The following NCOA3 variants were observed in gnomAD, a reference collection of about 807,000 sequenced individuals.
NCOA3 encodes CBP-interacting protein.
A neutral mutation model predicts 158.8 loss-of-function variants in NCOA3; 51 were observed. The ratio of observed to expected loss-of-function variants is 0.32; its 90% CI spans 0.26 to 0.41. The LOEUF is 0.41. NCOA3 is among the 10% of genes least tolerant of loss of function. The pLI, the probability that NCOA3 is intolerant of heterozygous loss-of-function variation, is 1.00. For synonymous variants in NCOA3, 537 were observed against 592.4 expected (o/e 0.91, Z 1.36); for missense variants, 1,510 against 1,746.6 (o/e 0.86, Z 2.41).
At chr20:47,527,635 C>G (rs768144909) in intron 1 of NCOA3, among the ~76,000 whole-genome samples, 1 of 152,130 alleles carries the variant, frequency 6.6e-6, no homozygotes, top group Non-Finnish European at 1.5e-5. Flanking sequence ...GGACAAATAT[C>G]TAGGAGGTGG....
intron 1 of NCOA3, among the ~76,000 whole-genome samples, chr20:47,567,017 T>TATGC (rs1348870157): frequency 1.8e-5 from 1 of 56,824 alleles, no homozygotes; most frequent in Non-Finnish European, 3.4e-5. Context: ...TAGTACTATG[T>TATGC]ATGTATGTAT....
Position 47,511,550 on chromosome 20 carries a change from T to TATATATACAC in NCOA3, c.-99+9537_-99+9538insACACATATAT. ...ATATATATATATATATATATATATA[T>TATATATACAC]ATATATTTCTTTTTTTTTTTGAGAC... On this transcript the variant is annotated intron_variant, in intron 1 of 22. Transcript: ENST00000371998. Among the ~76,000 whole-genome samples, 269 of 52,270 alleles carry TATATATACAC rather than the reference T, an allele frequency of 5.1e-3. 16 individuals are homozygous for TATATATACAC. Among genetic ancestry groups the TATATATACAC allele is most frequent in the Middle Eastern group, 0.021 (2 of 96 alleles). The allele number at this position is 52,270 out of a possible 152,430, so 34.3% of individuals were successfully genotyped here.
At chr20:47,550,359 G>A (rs1278276992) in intron 1 of NCOA3, among the ~76,000 whole-genome samples, 2 of 148,816 alleles carry the variant, frequency 1.3e-5, no homozygotes, top group African/African-American at 5.0e-5. Flanking sequence ...CAGGAGAATT[G>A]CTTGAATCCG....
At chr20:47,603,027 G>A (rs990863385) in intron 2 of NCOA3, among the ~76,000 whole-genome samples, 14 of 152,178 alleles carry the variant, frequency 9.2e-5, no homozygotes, top group Non-Finnish European at 1.8e-4. Context: ...TTAGTCACTT[G>A]TAACCCAAAT....
chr20:47,613,038 A>C (rs1195265743), intron 2 of NCOA3, among the ~76,000 whole-genome samples: 1 of 152,238 alleles, frequency 6.6e-6, no homozygotes, highest in Non-Finnish European at 1.5e-5. Context: ...AATGTGCAAG[A>C]AGGAAGAGAG....
At position 47,647,060 on chromosome 20, in the gene NCOA3, T is replaced by C. The variant is rs753289551; in HGVS notation, c.3253-13T>C. 1.9e-6 allele frequency: 3 copies of C among 1,604,346 alleles called. No individual in the cohort carries two copies. The Admixed American group carries it at 5.1e-5, about 27-fold the overall frequency. ...AGATGTTCTTCACTGTTCTTTTATG[T>C]GTTGTGTTTAAGGGACAGGCATTAG... On this transcript the variant is annotated splice_polypyrimidine_tract_variant and intron_variant, in intron 17 of 22. Coordinates refer to ENST00000371998, the MANE Select transcript of NCOA3 (RefSeq NM_181659.3).
intron 1 of NCOA3, among the ~76,000 whole-genome samples, chr20:47,565,973 T>A (rs554450800): frequency 2.6e-5 from 4 of 152,332 alleles, no homozygotes; most frequent in African/African-American, 7.2e-5. Flanking sequence ...TCCCACCATT[T>A]AAAAATTTTT....
intron 1 of NCOA3, among the ~76,000 whole-genome samples, chr20:47,538,922 C>T (rs1004897295): frequency 2.0e-5 from 3 of 152,144 alleles, no homozygotes; most frequent in African/African-American, 7.2e-5. Flanking sequence ...CTCACTTTTC[C>T]CTGTTAAGTT....
intron 1 of NCOA3, among the ~76,000 whole-genome samples, chr20:47,531,574 A>T (rs1325256370): frequency 7.2e-5 from 11 of 152,190 alleles, no homozygotes; most frequent in Non-Finnish European, 1.5e-4. Flanking sequence ...TTTGAGCAAG[A>T]ATAATGTTGT....
intron 1 of NCOA3, among the ~76,000 whole-genome samples, chr20:47,551,896 A>T (rs903104191): frequency 1.3e-5 from 2 of 152,230 alleles, no homozygotes; most frequent in African/African-American, 4.8e-5. Context: ...ACATTTTTTA[A>T]AAGTAAATTG....
At chr20:47,534,106 G>T (rs1170421932) in intron 1 of NCOA3, among the ~76,000 whole-genome samples, 5 of 149,640 alleles carry the variant, frequency 3.3e-5, no homozygotes, top group East Asian at 3.9e-4. Context: ...GATGGTTTCA[G>T]TGGGGGGGGC....
At chr20:47,530,937 G>A (rs1229329451) in intron 1 of NCOA3, among the ~76,000 whole-genome samples, 1 of 152,254 alleles carries the variant, frequency 6.6e-6, no homozygotes, top group Non-Finnish European at 1.5e-5. Context: ...GTAAACTGGC[G>A]TAGCAGTAGG....
intron 17 of NCOA3, 141 bp from the exon 18 acceptor site, chr20:47,646,932 A>G: frequency 1.5e-6 from 1 of 684,864 alleles, no homozygotes; most frequent in Non-Finnish European, 2.5e-6. Flanking sequence ...TAGCATGTAG[A>G]GAAGTGATGC....
At chr20:47,621,453 C>T (rs1197840339) in intron 2 of NCOA3, among the ~76,000 whole-genome samples, 1 of 151,904 alleles carries the variant, frequency 6.6e-6, no homozygotes, top group Non-Finnish European at 1.5e-5. Flanking sequence ...AGTTTAGAAT[C>T]GTTGAACTTC....
At chr20:47,599,796 A>G (rs1413584121) in intron 2 of NCOA3, among the ~76,000 whole-genome samples, 4 of 152,212 alleles carry the variant, frequency 2.6e-5, no homozygotes, top group African/African-American at 9.7e-5. Flanking sequence ...TTCCAGCAGC[A>G]TATCTTTTTC....
intron 1 of NCOA3, among the ~76,000 whole-genome samples, chr20:47,507,628 G>GTTC (rs774661843): frequency 6.6e-6 from 1 of 152,070 alleles, no homozygotes; most frequent in South Asian, 2.1e-4. Context: ...TGTTGTTGTT[G>GTTC]TTGTTTTGAG....
intron 2 of NCOA3, among the ~76,000 whole-genome samples, chr20:47,608,403 C>T (rs538300577): frequency 6.3e-4 from 96 of 151,892 alleles, no homozygotes; most frequent in Non-Finnish European, 1.1e-3. Context: ...TTTGTGAGGC[C>T]GAGGTGGGAG....
chr20:47,596,477 A>G (rs1602458660), intron 2 of NCOA3, among the ~76,000 whole-genome samples: 1 of 152,166 alleles, frequency 6.6e-6, no homozygotes, highest in South Asian at 2.1e-4. Flanking sequence ...CATTTTTTGT[A>G]TCTCGTTTAA....
At chr20:47,638,531 A>G (rs2086553031) in intron 13 of NCOA3, among the ~76,000 whole-genome samples, 1 of 152,188 alleles carries the variant, frequency 6.6e-6, no homozygotes, top group African/African-American at 2.4e-5. Context: ...GGATAGATCA[A>G]TTAAGAGTGG....
Sources: allele counts gnomAD v4.1 joint callset (sites outside exome capture counted in the v4.1 genomes callset), GRCh38; gene constraint gnomAD v4.1.1; transcripts MANE v1.5; gene names NCBI Gene and HGNC (gene_info 2026-07-23, HGNC 2026-07-21).